The following CRYBG1 variants were observed in gnomAD, a reference collection of about 807,000 sequenced individuals.
The protein encoded by CRYBG1 is crystallin beta-gamma domain containing 1.
A neutral mutation model predicts 189.2 loss-of-function variants in CRYBG1; 139 were observed. The observed-to-expected ratio is 0.73, with a 90% CI of 0.64 to 0.85. The LOEUF is 0.85. CRYBG1 is among the 40% of genes least tolerant of loss of function. CRYBG1 has a pLI of 0.00. For missense variants in CRYBG1, 2,611 were observed against 2,675.8 expected (o/e 0.98, Z 0.53); for synonymous variants, 1,023 against 1,017.1 (o/e 1.01, Z -0.11).
intron 1 of CRYBG1, among the ~76,000 whole-genome samples, chr6:106,428,874 G>C (rs1771275200): frequency 6.6e-6 from 1 of 152,230 alleles, no homozygotes; most frequent in Admixed American, 6.5e-5. Flanking sequence ...GTGGCAGTAA[G>C]AGATCAGGTG....
intron 2 of CRYBG1, among the ~76,000 whole-genome samples, chr6:106,478,206 A>G (rs2114476029): frequency 6.6e-6 from 1 of 152,358 alleles, no homozygotes; most frequent in East Asian, 1.9e-4. Flanking sequence ...AAAGCTGTTC[A>G]ATAATGAGGG....
chr6:106,507,603 C>A (rs115444240), intron 2 of CRYBG1, among the ~76,000 whole-genome samples: 269 of 152,316 alleles, frequency 1.8e-3, no homozygotes, highest in African/African-American at 5.8e-3. Flanking sequence ...GGCTTCCCAT[C>A]CTAGGTTTAA....
chr6:106,517,213 G>T (rs910611334), intron 3 of CRYBG1, among the ~76,000 whole-genome samples: 1 of 149,922 alleles, frequency 6.7e-6, no homozygotes, highest in South Asian at 2.1e-4. Context: ...GTCTCAGTAT[G>T]TTGCCCAGGC....
chr6:106,542,028 C>T (rs554289763), intron 10 of CRYBG1, among the ~76,000 whole-genome samples: 1 of 152,082 alleles, frequency 6.6e-6, no homozygotes, highest in Non-Finnish European at 1.5e-5. Context: ...CACATCGATG[C>T]CACACACTAT....
At chr6:106,439,890 G>A (rs553842764) in intron 1 of CRYBG1, among the ~76,000 whole-genome samples, 1 of 152,242 alleles carries the variant, frequency 6.6e-6, no homozygotes, top group Non-Finnish European at 1.5e-5. Context: ...AATAGTACTA[G>A]GTGCAACTAT....
chr6:106,542,608 C>CATTTTATTTTATTTT (rs56795208), intron 10 of CRYBG1, among the ~76,000 whole-genome samples: 31 of 126,738 alleles, frequency 2.4e-4, no homozygotes, highest in African/African-American at 8.5e-4. Context: ...ATGATTAGAA[C>CATTTTATTTTATTTT]ATTTTATTTT....
At chr6:106,416,016 G>A (rs1399364449) in intron 1 of CRYBG1, among the ~76,000 whole-genome samples, 39 of 152,234 alleles carry the variant, frequency 2.6e-4, no homozygotes. Flanking sequence ...AAGCCTGCCA[G>A]CTTTGCGGTG....
At position 106,491,604 on chromosome 6, in the gene CRYBG1, A is replaced by ATC. The variant is rs1405301363; in HGVS notation, c.313-19815_313-19814dup. 4.0e-5 allele frequency among the ~76,000 whole-genome samples: 6 copies of ATC among 151,286 alleles called. No individual in the cohort carries two copies. In the South Asian group the frequency reaches 1.3e-3, roughly 32 times the overall value. On this transcript the variant is annotated intron_variant, in intron 2 of 21. Coordinates refer to ENST00000633556, the MANE Select transcript of CRYBG1 (RefSeq NM_001371242.2). Reference sequence around the variant, plus strand: ...TGCGTCATGGAGTTCCTTTGGATTCATCTCTCTCTCTCAGTGTCTGCTTTC... The same window carrying ATC: ...TGCGTCATGGAGTTCCTTTGGATTCATCTCTCTCTCTCTCAGTGTCTGCTTTC...
intron 2 of CRYBG1, among the ~76,000 whole-genome samples, chr6:106,502,276 A>G (rs1562091213): frequency 6.6e-6 from 1 of 152,248 alleles, no homozygotes; most frequent in Non-Finnish European, 1.5e-5. Context: ...GATCTTTGAC[A>G]TGAATTATTG....
chr6:106,426,678 C>T (rs1398721290), intron 1 of CRYBG1, among the ~76,000 whole-genome samples: 1 of 152,170 alleles, frequency 6.6e-6, no homozygotes, highest in Non-Finnish European at 1.5e-5. Context: ...GAGTCTGCCC[C>T]TGGAGAAGCA....
At chr6:106,377,798 A>G (rs1248410783) in intron 1 of CRYBG1, among the ~76,000 whole-genome samples, 2 of 152,068 alleles carry the variant, frequency 1.3e-5, no homozygotes, top group East Asian at 3.9e-4. Context: ...AGGTATAAAT[A>G]AGTATAATTT....
chr6:106,559,074 C>T (rs931748510), intron 18 of CRYBG1, among the ~76,000 whole-genome samples: 2 of 152,162 alleles, frequency 1.3e-5, no homozygotes, highest in Admixed American at 6.5e-5. Context: ...CTTTGTAGAA[C>T]ACTTTTCCAC....
At chr6:106,380,412 C>T (rs930206442) in intron 1 of CRYBG1, among the ~76,000 whole-genome samples, 54 of 152,266 alleles carry the variant, frequency 3.5e-4, no homozygotes, top group African/African-American at 1.2e-3. Context: ...TTCTCTGAGG[C>T]ATCACAGCTT....
intron 1 of CRYBG1, among the ~76,000 whole-genome samples, chr6:106,439,070 A>G (rs116295717): frequency 0.036 from 5,514 of 151,234 alleles, 370 homozygotes; most frequent in African/African-American, 0.13. Context: ...AAAAAAAGAG[A>G]AAAATATTTT....
chr6:106,442,560 G>A (rs1475860813), intron 1 of CRYBG1, among the ~76,000 whole-genome samples: 2 of 152,188 alleles, frequency 1.3e-5, no homozygotes, highest in African/African-American at 4.8e-5. Context: ...TGGTTAGGAG[G>A]AGGTGCTTTT....
chr6:106,461,990 T>G (rs1382978399), intron 2 of CRYBG1, among the ~76,000 whole-genome samples: 1 of 152,210 alleles, frequency 6.6e-6, no homozygotes, highest in Non-Finnish European at 1.5e-5. Context: ...TGTCCAATAT[T>G]TCTTTAGTGA....
At chr6:106,562,005 T>G (rs1228479014) in intron 20 of CRYBG1, among the ~76,000 whole-genome samples, 1 of 152,216 alleles carries the variant, frequency 6.6e-6, no homozygotes, top group Non-Finnish European at 1.5e-5. Context: ...ACTTAAAAGC[T>G]GACTGTAGTA....
intron 2 of CRYBG1, among the ~76,000 whole-genome samples, chr6:106,460,725 C>T (rs11963835): frequency 0.016 from 2,490 of 152,214 alleles, 48 homozygotes; most frequent in African/African-American, 0.057. Flanking sequence ...AACTGAAATG[C>T]TCCTCCCTCT....
At chr6:106,435,662 C>T (rs1422984536) in intron 1 of CRYBG1, among the ~76,000 whole-genome samples, 6 of 151,932 alleles carry the variant, frequency 3.9e-5, no homozygotes, top group South Asian at 2.1e-4. Flanking sequence ...AGTGCAGTGG[C>T]GTGATCTTAG....
Sources: gnomAD v4.1 joint callset for allele counts (sites outside exome capture counted in the v4.1 genomes callset) on GRCh38, gnomAD v4.1.1 for gene constraint, MANE v1.5 for transcripts, NCBI Gene and HGNC (gene_info 2026-07-23, HGNC 2026-07-21) for gene names.